Variants in LCOR observed in about 807,000 individuals in gnomAD.
LCOR encodes ligand-dependent corepressor.
Under a neutral mutation model 64.4 loss-of-function variants are expected in LCOR, and 14 were observed. The observed-to-expected ratio is 0.22, with a 90% CI of 0.14 to 0.34. The LOEUF (loss-of-function observed/expected upper bound fraction) is 0.34. Among genes scored for constraint, LCOR ranks in the 10% least tolerant of loss-of-function variants. The pLI is 1.00. For missense variants in LCOR, 1,686 were observed against 1,765.3 expected, an observed-to-expected ratio of 0.96 and a Z score of 0.80; for synonymous variants, 643 against 642.5, an observed-to-expected ratio of 1.00 and a Z score of -0.01.
At chr10:96,849,858 CTTTTT>C (rs964263701) in intron 2 of LCOR, among the ~76,000 whole-genome samples, 7 of 115,688 alleles carry the variant, frequency 6.1e-5, no homozygotes, top group Admixed American at 3.6e-4. Context: ...GTGTCACTCA[CTTTTT>C]TTTTTTTTTT....
Position 96,983,528 on chromosome 10 carries a change from C to T in LCOR, c.3068C>T (p.Ala1023Val), listed in dbSNP as rs760432458. 5.6e-6 allele frequency: 9 copies of T among 1,613,938 alleles called. No homozygotes were observed. The highest frequency in any genetic ancestry group is 5.1e-6 in the Non-Finnish European group (6 of 1,180,020). ...LGLSSSGSGD[A>V]ARAPKSVPRP... ...TTGTCGAGTAGTGGAAGTGGTGATG[C>T]TGCTAGGGCACCAAAATCGGTGCCA... Residue 1023 changes from alanine to valine, a missense_variant, in exon 8 of 8, where the codon GCT becomes GTT. Ala to Val is a moderately conservative substitution (Grantham distance 64). Transcript: ENST00000421806. The surrounding 1 kb of genome is among the most constrained non-coding windows in gnomAD (Gnocchi z 4.5).
At chr10:96,910,845 T>G (rs1174451611) in intron 4 of LCOR, among the ~76,000 whole-genome samples, 1 of 152,192 alleles carries the variant, frequency 6.6e-6, no homozygotes, top group African/African-American at 2.4e-5. Context: ...CTAGTTGGAT[T>G]TTCAGTAAAT....
chr10:96,944,016 A>G (rs560344129), intron 4 of LCOR, 97 bp from the exon 5 acceptor site: 13 of 709,326 alleles, frequency 1.8e-5, no homozygotes, highest in Non-Finnish European at 2.2e-5. Flanking sequence ...CATCAAATTA[A>G]TTTGCCTTAT....
At chr10:96,878,617 G>A (rs552794002) in intron 2 of LCOR, among the ~76,000 whole-genome samples, 2 of 152,282 alleles carry the variant, frequency 1.3e-5, no homozygotes, top group African/African-American at 4.8e-5. Flanking sequence ...TACCTTCCAC[G>A]TAGTAGGTAC....
chr10:96,853,871 G>C (rs1845759342), intron 2 of LCOR, among the ~76,000 whole-genome samples: 1 of 152,140 alleles, frequency 6.6e-6, no homozygotes, highest in African/African-American at 2.4e-5. Flanking sequence ...AGGGCAGCAG[G>C]AGAGAGAATG....
intron 4 of LCOR, among the ~76,000 whole-genome samples, chr10:96,924,272 G>A (rs1442391015): frequency 1.3e-5 from 2 of 152,106 alleles, no homozygotes; most frequent in African/African-American, 4.8e-5. Flanking sequence ...ACGTGATCTC[G>A]GCTCGCTGCA....
intron 2 of LCOR, among the ~76,000 whole-genome samples, chr10:96,879,340 T>C (rs10882854): frequency 0.35 from 53,612 of 151,970 alleles, 13,403 homozygotes; most frequent in African/African-American, 0.7. Context: ...ACATTCTAAA[T>C]CACTGTGCAG....
At chr10:96,904,758 T>C (rs2134450289) in intron 2 of LCOR, among the ~76,000 whole-genome samples, 1 of 152,334 alleles carries the variant, frequency 6.6e-6, no homozygotes, top group East Asian at 1.9e-4. Context: ...TGTGATATCA[T>C]GGTATACATT....
intron 2 of LCOR, among the ~76,000 whole-genome samples, chr10:96,869,569 CTTTT>C (rs1267246069): frequency 2.2e-5 from 3 of 134,078 alleles, no homozygotes; most frequent in African/African-American, 8.2e-5. Context: ...TTGGTTCTTT[CTTTT>C]TTTTTTTTTT....
At chr10:96,908,393 G>A (rs1564622038) in intron 4 of LCOR, among the ~76,000 whole-genome samples, 1 of 152,150 alleles carries the variant, frequency 6.6e-6, no homozygotes, top group Admixed American at 6.5e-5. Flanking sequence ...CAAGTAATGG[G>A]AGTTATTTTT....
chr10:96,974,120 T>A (rs775161014), intron 7 of LCOR, among the ~76,000 whole-genome samples: 2 of 152,244 alleles, frequency 1.3e-5, no homozygotes, highest in Non-Finnish European at 2.9e-5. Flanking sequence ...CAACAATCAT[T>A]CTTAAACTGT....
rs1848088131 is a variant in LCOR, at chr10:96,981,662, G to A, written c.1202G>A (p.Arg401Lys). The change falls in exon 8 of 8, where the codon AGA (arginine) becomes AAA (lysine). Residue 401 changes from arginine to lysine, a missense_variant. Around this residue, in one of 3 missense-constraint regions of LCOR, gnomAD observed 1,293 missense variants for 1,410.4 expected, o/e 0.92. Coordinates refer to ENST00000421806, the MANE Select transcript of LCOR (RefSeq NM_001346516.2). ...KQENHLHSLG[R>K]NKVGYHLHPS... ...GAGAACCATCTTCACTCTCTGGGAA[G>A]AAATAAGGTGGGTTACCATTTACAT... 6.2e-7 allele frequency: 1 copy of A among 1,614,080 alleles called. No homozygotes were observed. Among genetic ancestry groups the A allele is most frequent in the African/African-American group, 1.3e-5 (1 of 74,930 alleles).
rs934202875 is a variant in LCOR at position 96,869,895 on chromosome 10, G to T, written c.-330+36416G>T. Among the ~76,000 whole-genome samples, 18 of 152,034 alleles carry T rather than the reference G, an allele frequency of 1.2e-4. 1 individual carries two copies. Among genetic ancestry groups the T allele is most frequent in the Middle Eastern group, 3.4e-3 (1 of 294 alleles). On this transcript the variant is annotated intron_variant, in intron 2 of 7. Transcript: ENST00000421806. The stretch of plus-strand genomic sequence containing the variant: ...CACCAGGATCTCAGTTCTTCTTAAG[G>T]AAATATTTAGGTACACTGAACTGTA...
chr10:96,967,408 A>G (rs964418637), intron 7 of LCOR, among the ~76,000 whole-genome samples: 2 of 152,218 alleles, frequency 1.3e-5, no homozygotes, highest in African/African-American at 4.8e-5. Flanking sequence ...CTGGGATTAC[A>G]AGTATGAGCC....
chr10:96,872,983 T>C (rs1268659259), intron 2 of LCOR, among the ~76,000 whole-genome samples: 1 of 152,216 alleles, frequency 6.6e-6, no homozygotes, highest in Non-Finnish European at 1.5e-5. Context: ...AAATCCCATA[T>C]GCATAAATAA....
intron 7 of LCOR, among the ~76,000 whole-genome samples, chr10:96,966,163 C>CTTTT (rs57378535): frequency 1.1e-5 from 1 of 90,060 alleles, no homozygotes; most frequent in African/African-American, 3.6e-5. Flanking sequence ...AAAATGGAAA[C>CTTTT]TTTTTTTTTT....
chr10:96,912,458 C>CCAG (rs978409761), intron 4 of LCOR, among the ~76,000 whole-genome samples: 1 of 152,292 alleles, frequency 6.6e-6, no homozygotes, highest in Admixed American at 6.5e-5. Flanking sequence ...TGTCCTTTAT[C>CCAG]TGGTCCAAGA....
rs529297421 is a variant in LCOR at position 96,991,750 on chromosome 10, C to G, written c.*6616C>G. 1 of 152,296 alleles carries G rather than the reference C, an allele frequency of 6.6e-6. No homozygotes were observed. Among genetic ancestry groups the G allele is most frequent in the East Asian group, 1.9e-4 (1 of 5,180 alleles). 9.4% of individuals were successfully genotyped at this position (152,296 alleles called of 1,614,324 possible). A position where few individuals can be genotyped will look rare whatever the true frequency, so the allele number is the denominator to read the frequency against. On this transcript the variant is annotated 3_prime_UTR_variant, in exon 8 of 8. Coordinates refer to ENST00000421806, the MANE Select transcript of LCOR (RefSeq NM_001346516.2). ...TTAGACAGAACAAGTTCAGGGCTCT[C>G]CAGCCCAGCCCGAGTCACTGCTCGT...
Position 96,949,088 on chromosome 10 carries a change from G to A in LCOR, c.31G>A (p.Glu11Lys). The A allele has an allele frequency of 6.2e-7, 1 of 1,613,980 alleles. No homozygotes were observed. ...GCGAATGATCCAACAATTTGCTGCT[G>A]AATATACCTCAAAAAATAGCTCTAC... MQRMIQQFAA[E>K]YTSKNSSTQD... Residue 11 changes from glutamate (E) to lysine (K), a missense_variant, in exon 6 of 8, where the codon GAA becomes AAA. Glu to Lys is a moderately conservative substitution (Grantham distance 56, BLOSUM62 1). This residue lies in a region of LCOR where 80 missense variants were observed against 107.7 expected (regional missense o/e 0.74). Transcript: ENST00000421806.
Sources: allele counts gnomAD v4.1 joint callset (sites outside exome capture counted in the v4.1 genomes callset), GRCh38; gene constraint gnomAD v4.1.1; regional missense constraint gnomAD v4.1.1; non-coding constraint Gnocchi (gnomAD v3.1); transcripts MANE v1.5; gene names NCBI Gene and HGNC (gene_info 2026-07-23, HGNC 2026-07-21).